Variants in FETUB observed in about 807,000 individuals in gnomAD.
FETUB encodes fetuin-B.
FETUB carries 28 observed loss-of-function variants against 30.9 expected under a neutral mutation model. The observed-to-expected ratio is 0.90, with a 90% CI of 0.67 to 1.24. The LOEUF (loss-of-function observed/expected upper bound fraction) is 1.24, where lower values mean the gene tolerates loss of function less well. FETUB is among the 50% of genes most tolerant of loss of function. The pLI is 0.00. For synonymous variants in FETUB, 186 were observed against 175.9 expected (o/e 1.06, Z -0.45); for missense variants, 469 against 455.3 (o/e 1.03, Z -0.27).
upstream of FETUB, among the ~76,000 whole-genome samples, chr3:186,637,168 T>G (rs1162762275): frequency 6.6e-6 from 1 of 152,204 alleles, no homozygotes; most frequent in Non-Finnish European, 1.5e-5. Context: ...AGCACAGGGC[T>G]GGGCACACAC....
Position 186,652,676 on chromosome 3 carries a change from A to G in FETUB, c.*45A>G, listed in dbSNP as rs773911162. On this transcript the variant is annotated 3_prime_UTR_variant, in exon 7 of 7. Transcript: ENST00000265029. ...GTAGGGGTATGGTGCGCCGCATGAC[A>G]TGGGAGGCGATGGGGACGATGGACA... 9.6e-5 allele frequency: 148 copies of G among 1,537,370 alleles called. No homozygotes were observed. Among genetic ancestry groups the G allele is most frequent in the Admixed American group, 1.4e-4 (7 of 49,206 alleles).
intron 5 of FETUB, among the ~76,000 whole-genome samples, chr3:186,649,793 C>A (rs553091513): frequency 1.3e-5 from 2 of 152,184 alleles, no homozygotes; most frequent in Non-Finnish European, 2.9e-5. Context: ...TCATCCCTCA[C>A]CACCCTCTCA....
chr3:186,642,196 A>G (rs1717115770), intron 2 of FETUB: 1 of 356,082 alleles, frequency 2.8e-6, no homozygotes, highest in Non-Finnish European at 5.1e-6. Context: ...AGATCTGGAA[A>G]TGGTTACACC....
At chr3:186,638,395 T>C (rs1183411552), upstream of FETUB, among the ~76,000 whole-genome samples, 1 of 152,200 alleles carries the variant, frequency 6.6e-6, no homozygotes, top group Non-Finnish European at 1.5e-5. Context: ...TGTATACATA[T>C]GCTGGGAGTG....
Position 186,640,577 on chromosome 3 carries a change from A to C in FETUB, c.117A>C (p.Ser39=), listed in dbSNP as rs1047115. Residue 39 remains serine (S), a synonymous_variant, in exon 1 of 7, where the codon TCA becomes TCC. Coordinates refer to ENST00000265029, the MANE Select transcript of FETUB (RefSeq NM_014375.3). ...SALLSRGCND[S]DVLAVAGFAL... is the part of the protein sequence containing the mutation. ...TGCTCTCCCGGGGCTGCAATGACTC[A>C]GATGTGCTGGCAGTTGCAGGCTTTG... 0.12 allele frequency: 200,630 copies of C among 1,613,202 alleles called. 12,902 individuals carry two copies. Among genetic ancestry groups the C allele is most frequent in the African/African-American group, 0.15 (11,110 of 74,986 alleles).
chr3:186,640,945 C>T, intron 1 of FETUB, 85 bp from the exon 2 acceptor site: 11 of 853,050 alleles, frequency 1.3e-5, no homozygotes, highest in Non-Finnish European at 2.1e-5. Context: ...TTTGGCTTTG[C>T]CATAAAGCAG....
At chr3:186,647,848 T>G (rs1313959645) in intron 5 of FETUB, among the ~76,000 whole-genome samples, 1 of 152,150 alleles carries the variant, frequency 6.6e-6, no homozygotes, top group Admixed American at 6.5e-5. Flanking sequence ...TTGATGAAGT[T>G]CTATTTATAT....
rs776753612 is a variant in FETUB at position 186,641,018 on chromosome 3, C to G, written c.226-12C>G. 4 of 1,555,278 alleles carry G rather than the reference C, an allele frequency of 2.6e-6. No homozygotes were observed. The South Asian group carries it at 4.5e-5, about 17-fold the overall frequency. The stretch of plus-strand genomic sequence containing the variant: ...TGTGAAATGTATTGCATTTCTCTAC[C>G]CCTTCCCACAGGGTGGCCTGGGATC... On this transcript the variant is annotated splice_polypyrimidine_tract_variant and intron_variant, in intron 1 of 6. Transcript: ENST00000265029.
At chr3:186,646,781 G>A (rs1465114469) in intron 5 of FETUB, among the ~76,000 whole-genome samples, 1 of 152,154 alleles carries the variant, frequency 6.6e-6, no homozygotes, top group Non-Finnish European at 1.5e-5. Flanking sequence ...ACAATGTGTT[G>A]GAGTGCAACT....
upstream of FETUB, chr3:186,640,372 C>A: frequency 1.0e-6 from 1 of 995,446 alleles, no homozygotes; most frequent in Non-Finnish European, 1.6e-6. Flanking sequence ...TGTAACAAAA[C>A]CGCTCAAGTC....
At chr3:186,650,170 T>TCG (rs1292930543) in intron 5 of FETUB, among the ~76,000 whole-genome samples, 1 of 65,502 alleles carries the variant, frequency 1.5e-5, no homozygotes, top group Admixed American at 1.9e-4. Context: ...TTGGCGGGGG[T>TCG]GGGGGGGGGG....
chr3:186,651,762 C>A, intron 6 of FETUB: 2 of 178,946 alleles, frequency 1.1e-5, no homozygotes, highest in South Asian at 2.7e-4. Flanking sequence ...CACTTGGGAT[C>A]CAGTTTTGCT....
In FETUB at chr3:186,644,509, T is replaced by C. The variant is rs1717330184; in HGVS notation, c.425-242T>C. 1.3e-5 allele frequency among the ~76,000 whole-genome samples: 2 copies of C among 152,202 alleles called. 1 individual carries two copies. Among genetic ancestry groups the C allele is most frequent in the African/African-American group, 4.8e-5 (2 of 41,450 alleles). ...GGTCCTATTTTAATATACTATATTA[T>C]GTGTCTTTGAACAAAATTCTCAGAG... On this transcript the variant is annotated intron_variant, in intron 3 of 6. Transcript: ENST00000265029.
intron 6 of FETUB, 69 bp downstream of exon 6, chr3:186,651,370 C>T: frequency 9.9e-7 from 1 of 1,005,660 alleles, no homozygotes. Flanking sequence ...CCTGCCACTA[C>T]CTTACCCCCT....
At chr3:186,650,518 TA>T (rs1717938270) in intron 5 of FETUB, among the ~76,000 whole-genome samples, 1 of 152,136 alleles carries the variant, frequency 6.6e-6, no homozygotes, top group Non-Finnish European at 1.5e-5. Context: ...GCCATTATTT[TA>T]AAAACCCTAG....
chr3:186,639,477 G>A (rs79406198), upstream of FETUB, among the ~76,000 whole-genome samples: 741 of 152,220 alleles, frequency 4.9e-3, 9 homozygotes, highest in African/African-American at 0.017. Flanking sequence ...ATGGACTAGG[G>A]CTTTATAGAA....
chr3:186,642,166 G>T, intron 2 of FETUB: 1 of 298,172 alleles, frequency 3.4e-6, no homozygotes, highest in Non-Finnish European at 6.2e-6. Flanking sequence ...CAGTGAGAAC[G>T]TGGGAGACCC....
At chr3:186,636,894 C>G (rs1396059798), upstream of FETUB, among the ~76,000 whole-genome samples, 3 of 152,118 alleles carry the variant, frequency 2.0e-5, no homozygotes, top group Non-Finnish European at 4.4e-5. Flanking sequence ...AATGTTACCC[C>G]CTCTAGGAAG....
intron 3 of FETUB, 101 bp downstream of exon 3, chr3:186,642,659 TTC>T: frequency 1.3e-6 from 1 of 741,070 alleles, no homozygotes; most frequent in Non-Finnish European, 2.4e-6. Flanking sequence ...CATTCTTATT[TTC>T]TGTTTATTCT....
Sources: gnomAD v4.1 joint callset for allele counts (sites outside exome capture counted in the v4.1 genomes callset) on GRCh38, gnomAD v4.1.1 for gene constraint, MANE v1.5 for transcripts, NCBI Gene and HGNC (gene_info 2026-07-23, HGNC 2026-07-21) for gene names.